The following PRICKLE1 variants were observed in gnomAD, a reference collection of about 807,000 sequenced individuals.
PRICKLE1 encodes the protein prickle planar cell polarity protein 1, also known as prickle-like protein 1.
Under a neutral mutation model 70.2 loss-of-function variants are expected in PRICKLE1, and 14 were observed. The ratio of observed to expected loss-of-function variants is 0.20; its 90% CI spans 0.13 to 0.31. The LOEUF (loss-of-function observed/expected upper bound fraction) is 0.31, where lower values mean the gene tolerates loss of function less well. Ranked by LOEUF, PRICKLE1 falls within the 10% of genes least tolerant of loss-of-function variation. The probability of loss-of-function intolerance (pLI) is 1.00; values close to 1 mark genes in which losing one functional copy is unlikely to be tolerated. For synonymous variants in PRICKLE1, 357 were observed against 379.9 expected, an observed-to-expected ratio of 0.94 and a Z score of 0.70; for missense variants, 821 against 1,026.2, an observed-to-expected ratio of 0.80 and a Z score of 2.73.
chr12:42,498,258 G>A (rs893766945), intron 1 of PRICKLE1, among the ~76,000 whole-genome samples: 3 of 150,188 alleles, frequency 2.0e-5, no homozygotes, highest in Non-Finnish European at 4.4e-5. Flanking sequence ...CTGCAGCCTC[G>A]ACCTCCTGAG....
chr12:42,554,322 A>C (rs1940377272), intron 1 of PRICKLE1, among the ~76,000 whole-genome samples: 2 of 152,224 alleles, frequency 1.3e-5, no homozygotes, highest in Admixed American at 1.3e-4. Flanking sequence ...ATTGTAAAGG[A>C]AATAGAAAAT....
chr12:42,525,394 G>A (rs771275715), intron 1 of PRICKLE1, among the ~76,000 whole-genome samples: 13 of 152,154 alleles, frequency 8.5e-5, no homozygotes, highest in Non-Finnish European at 1.9e-4. Flanking sequence ...CCAAGGAGAG[G>A]GTCGAGGGAA....
At chr12:42,561,703 T>C (rs1194239727) in intron 1 of PRICKLE1, among the ~76,000 whole-genome samples, 1 of 152,162 alleles carries the variant, frequency 6.6e-6, no homozygotes, top group Non-Finnish European at 1.5e-5. Flanking sequence ...CAATTTTTAA[T>C]GAAAATGACT....
Position 42,459,163 on chromosome 12 carries a change from G to GAAC in PRICKLE1, c.*643_*645dup. The GAAC allele has an allele frequency of 3.4e-6, 2 of 592,928 alleles. No individual in the cohort carries two copies. The highest frequency in any genetic ancestry group is 5.3e-5 in the Admixed American group (2 of 37,564). The allele number at this position is 592,928 out of a possible 1,614,324, so 36.7% of individuals were successfully genotyped here. A position where few individuals can be genotyped will look rare whatever the true frequency, so the allele number is the denominator to read the frequency against. The stretch of plus-strand genomic sequence containing the variant: ...TATAAAAATATCAGCTTTAAAATCT[G>GAAC]AACTGTACAGTATATACATTAATAT... On this transcript the variant is annotated 3_prime_UTR_variant, in exon 8 of 8. Coordinates refer to ENST00000345127, the MANE Select transcript of PRICKLE1 (RefSeq NM_153026.3).
intron 1 of PRICKLE1, among the ~76,000 whole-genome samples, chr12:42,543,534 T>C (rs1940153273): frequency 6.6e-6 from 1 of 152,082 alleles, no homozygotes; most frequent in Admixed American, 6.5e-5. Context: ...ACTTGTTTTT[T>C]TCTTTTGAGA....
At chr12:42,552,011 T>C (rs771975636) in intron 1 of PRICKLE1, among the ~76,000 whole-genome samples, 12 of 151,956 alleles carry the variant, frequency 7.9e-5, no homozygotes, top group Admixed American at 5.9e-4. Flanking sequence ...AAATACTGAC[T>C]GAAATCTCCA....
intron 1 of PRICKLE1, among the ~76,000 whole-genome samples, chr12:42,518,332 C>T (rs903259010): frequency 3.9e-5 from 6 of 152,164 alleles, no homozygotes; most frequent in African/African-American, 1.4e-4. Context: ...GCATAAGCCA[C>T]AACAACCGGC....
intron 1 of PRICKLE1, among the ~76,000 whole-genome samples, chr12:42,559,839 C>A (rs935690360): frequency 2.6e-5 from 4 of 151,710 alleles, no homozygotes; most frequent in African/African-American, 4.8e-5. Context: ...ATTGATTAAA[C>A]ATGTCTTTAT....
At chr12:42,463,449 G>A (rs1298550858) in intron 7 of PRICKLE1, among the ~76,000 whole-genome samples, 1 of 152,126 alleles carries the variant, frequency 6.6e-6, no homozygotes, top group Non-Finnish European at 1.5e-5. Context: ...GCCAGGCGTG[G>A]TGGCTCATGC....
At chr12:42,556,940 T>TTAGGACA (rs1940422918) in intron 1 of PRICKLE1, among the ~76,000 whole-genome samples, 1 of 152,132 alleles carries the variant, frequency 6.6e-6, no homozygotes, top group African/African-American at 2.4e-5. Flanking sequence ...ATGGCTTAGT[T>TTAGGACA]TAGGACAAAG....
chr12:42,511,478 A>G (rs185147341), intron 1 of PRICKLE1, among the ~76,000 whole-genome samples: 427 of 152,308 alleles, frequency 2.8e-3, no homozygotes, highest in African/African-American at 9.6e-3. Context: ...AGATTAACAG[A>G]AAGTAGTATT....
intron 1 of PRICKLE1, among the ~76,000 whole-genome samples, chr12:42,517,345 C>T (rs1249919284): frequency 5.7e-5 from 6 of 105,904 alleles, no homozygotes; most frequent in Non-Finnish European, 1.0e-4. Context: ...CAGAGTCTTG[C>T]TCTGTAGCCC....
chr12:42,538,728 T>C (rs920204700), intron 1 of PRICKLE1, among the ~76,000 whole-genome samples: 1 of 152,194 alleles, frequency 6.6e-6, no homozygotes, highest in Non-Finnish European at 1.5e-5. Flanking sequence ...CAGAACCACA[T>C]ATTATTGCTC....
At chr12:42,479,456 T>C (rs745735500) in intron 1 of PRICKLE1, among the ~76,000 whole-genome samples, 4 of 152,242 alleles carry the variant, frequency 2.6e-5, no homozygotes, top group South Asian at 4.1e-4. Context: ...ACAGTTTTTC[T>C]AGGTAAAGCT....
chr12:42,545,691 A>G (rs1333471274), intron 1 of PRICKLE1, among the ~76,000 whole-genome samples: 2 of 152,110 alleles, frequency 1.3e-5, no homozygotes, highest in Admixed American at 1.3e-4. Flanking sequence ...TCTACTAAAA[A>G]TAAAATAAAT....
At chr12:42,560,864 T>C (rs1940502527) in intron 1 of PRICKLE1, among the ~76,000 whole-genome samples, 1 of 151,936 alleles carries the variant, frequency 6.6e-6, no homozygotes, top group Non-Finnish European at 1.5e-5. Flanking sequence ...AATGTAATCA[T>C]GCTGTTAACT....
chr12:42,528,523 G>T (rs1939854097), intron 1 of PRICKLE1, among the ~76,000 whole-genome samples: 1 of 152,068 alleles, frequency 6.6e-6, no homozygotes. Context: ...TACAGCATAG[G>T]TTTACATCTG....
chr12:42,462,136 C>A (rs747892949), intron 7 of PRICKLE1, among the ~76,000 whole-genome samples: 57 of 152,166 alleles, frequency 3.7e-4, no homozygotes, highest in Non-Finnish European at 6.9e-4. Context: ...GCCTATTTTT[C>A]AGCTTATTAT....
intron 1 of PRICKLE1, among the ~76,000 whole-genome samples, chr12:42,558,190 ATACT>A (rs1296996064): frequency 2.0e-5 from 3 of 152,242 alleles, no homozygotes; most frequent in East Asian, 3.8e-4. Context: ...ATAAAATGTA[ATACT>A]TACACCTTAG....
Sources: gnomAD v4.1 joint callset for allele counts (sites outside exome capture counted in the v4.1 genomes callset) on GRCh38, gnomAD v4.1.1 for gene constraint, MANE v1.5 for transcripts, NCBI Gene and HGNC (gene_info 2026-07-23, HGNC 2026-07-21) for gene names.